HNRNPR: variants seen among roughly 807,000 people sequenced by gnomAD.
HNRNPR encodes the protein heterogeneous nuclear ribonucleoprotein R.
Under a neutral mutation model 70.3 loss-of-function variants are expected in HNRNPR, and 4 were observed. That is an observed-to-expected ratio of 0.06 (90% CI 0.03 to 0.13). HNRNPR has a LOEUF of 0.13. HNRNPR is among the 10% of genes least tolerant of loss of function. The pLI is 1.00. For missense variants in HNRNPR, 423 were observed against 788.5 expected, an observed-to-expected ratio of 0.54 and a Z score of 5.55; for synonymous variants, 241 against 267.6, an observed-to-expected ratio of 0.90 and a Z score of 0.97.
At chr1:23,327,912 T>A (rs1646054752) in intron 5 of HNRNPR, among the ~76,000 whole-genome samples, 4 of 149,230 alleles carry the variant, frequency 2.7e-5, no homozygotes, top group Non-Finnish European at 5.9e-5. Context: ...AATCCCAGCA[T>A]TTTGGGAGGC....
At chr1:23,323,793 C>T (rs1327859721) in intron 5 of HNRNPR, 61 bp from the exon 6 acceptor site, 2 of 1,399,728 alleles carry the variant, frequency 1.4e-6, no homozygotes, top group Non-Finnish European at 2.0e-6. Flanking sequence ...GCCATAAAGC[C>T]TACTGCCTTT....
intron 4 of HNRNPR, among the ~76,000 whole-genome samples, chr1:23,335,433 T>C (rs760095539): frequency 4.6e-4 from 70 of 152,226 alleles, no homozygotes; most frequent in Admixed American, 5.9e-4. Context: ...CCGGGCTGCA[T>C]AGCAGGAGGT....
chr1:23,322,534 C>T (rs1245239455), intron 6 of HNRNPR, among the ~76,000 whole-genome samples: 1 of 152,322 alleles, frequency 6.6e-6, no homozygotes, highest in East Asian at 1.9e-4. Context: ...CCACACCTGG[C>T]CAATTTTAGC....
Position 23,341,749 on chromosome 1 carries a change from A to G in HNRNPR, c.-9-732T>C, listed in dbSNP as rs764909653. On this transcript the variant is annotated intron_variant, in intron 1 of 10. Coordinates refer to ENST00000302271, the MANE Select transcript of HNRNPR (RefSeq NM_005826.5). ...AAAAAGAGTACATGTTGAAATTTTCATATCAGTAAAATAAAGATGTAAAAA... is the reference window on the plus strand; with the variant it reads ...AAAAAGAGTACATGTTGAAATTTTCGTATCAGTAAAATAAAGATGTAAAAA... Among the ~76,000 whole-genome samples the G allele has an allele frequency of 1.5e-4, 23 of 152,236 alleles. 1 individual carries two copies. The highest frequency in any genetic ancestry group is 3.3e-4 in the Admixed American group (5 of 15,280).
rs994806542 is a variant in HNRNPR at position 23,305,139 on chromosome 1, ATTTTG to A, written c.*5310_*5314del. On this transcript the variant is annotated 3_prime_UTR_variant, in exon 11 of 11. Transcript: ENST00000302271. ...CTCCTTTGTTGGTTCCACAAAATGT[ATTTTG>A]TTTTTAGTGTTTAAAGTCAACAAAC... 2 of 152,164 alleles carry A rather than the reference ATTTTG, an allele frequency of 1.3e-5. No homozygotes were observed. Among genetic ancestry groups the A allele is most frequent in the East Asian group, 1.9e-4 (1 of 5,202 alleles). The allele number at this position is 152,164 out of a possible 1,614,324, so 9.4% of individuals were successfully genotyped here. A position where few individuals can be genotyped will look rare whatever the true frequency, so the allele number is the denominator to read the frequency against.
chr1:23,311,744 C>A (rs1456084633), intron 9 of HNRNPR: 1 of 163,066 alleles, frequency 6.1e-6, no homozygotes. Context: ...ATGTAGCATA[C>A]AACATACAGG....
chr1:23,338,458 T>A (rs1046390091), intron 3 of HNRNPR, 32 bp downstream of exon 3: 2 of 830,160 alleles, frequency 2.4e-6, no homozygotes, highest in Non-Finnish European at 3.7e-6. Context: ...GATTACTAAT[T>A]GTTCAAAGAC....
At chr1:23,320,545 A>G (rs558335759) in intron 7 of HNRNPR, among the ~76,000 whole-genome samples, 1 of 152,364 alleles carries the variant, frequency 6.6e-6, no homozygotes, top group East Asian at 1.9e-4. Context: ...CAATCTTTAG[A>G]TTAATGAAAG....
At chr1:23,333,475 T>C (rs760361206) in intron 5 of HNRNPR, 43 bp downstream of exon 5, 2 of 1,277,056 alleles carry the variant, frequency 1.6e-6, no homozygotes, top group Non-Finnish European at 2.3e-6. Context: ...TAAAACACTT[T>C]CCAAACTGGA....
chr1:23,310,503 T>C lies in HNRNPR; in HGVS notation c.1853A>G (p.Asn618Ser), dbSNP rs768259018. Residue 618 changes from asparagine (N) to serine (S), a missense_variant, in exon 11 of 11, where the codon AAT becomes AGT. By Grantham distance (46) the Asn-to-Ser change is conservative (BLOSUM62 1). Around this residue, in one of 7 missense-constraint regions of HNRNPR, gnomAD observed 39 missense variants for 53.2 expected, o/e 0.73. Coordinates refer to ENST00000302271, the MANE Select transcript of HNRNPR (RefSeq NM_005826.5). The surrounding 1 kb of genome is among the most constrained non-coding windows in gnomAD (Gnocchi z 6.0). The part of the protein sequence containing the change: ...GDYSGNYGYN[N>S]DNQEFYQDTY... The stretch of plus-strand genomic sequence containing the variant: ...ATCCTGATAAAATTCCTGGTTGTCA[T>C]TATTGTAACCATAGTTACCAGAATA... 1 of 1,613,088 alleles carries C rather than the reference T, an allele frequency of 6.2e-7. No homozygotes were observed. Among genetic ancestry groups the C allele is most frequent in the Non-Finnish European group, 8.5e-7 (1 of 1,179,638 alleles).
intron 2 of HNRNPR, among the ~76,000 whole-genome samples, chr1:23,340,236 C>T (rs1437860844): frequency 6.6e-6 from 1 of 151,812 alleles, no homozygotes; most frequent in Non-Finnish European, 1.5e-5. Context: ...CTCTTTAAAA[C>T]TTCAAACCAC....
chr1:23,313,431 A>C lies in HNRNPR; in HGVS notation c.1167+122T>G, dbSNP rs1264203192. ...TACTATTACCACTTTACAGAGATTA[A>C]ATAGAAAGAGTTCAGCAAAAGCTGA... On this transcript the variant is annotated intron_variant, in intron 9 of 10. Transcript: ENST00000302271. 4 of 681,704 alleles carry C rather than the reference A, an allele frequency of 5.9e-6. No homozygotes were observed. In the South Asian group the frequency reaches 8.0e-5, roughly 14 times the overall value. The allele number at this position is 681,704 out of a possible 1,614,324, so 42.2% of individuals were successfully genotyped here. A position where few individuals can be genotyped will look rare whatever the true frequency, so the allele number is the denominator to read the frequency against.
chr1:23,343,069 CAT>C (rs979873340), intron 1 of HNRNPR, among the ~76,000 whole-genome samples: 17 of 152,140 alleles, frequency 1.1e-4, no homozygotes, highest in Admixed American at 2.0e-4. Flanking sequence ...CTTTTTATGT[CAT>C]ATGAGACCAT....
chr1:23,323,134 T>C (rs1249157077), intron 6 of HNRNPR, among the ~76,000 whole-genome samples: 2 of 152,342 alleles, frequency 1.3e-5, no homozygotes, highest in Non-Finnish European at 2.9e-5. Context: ...TTCACAACTA[T>C]TTTCTGAATT....
chr1:23,337,697 G>A, intron 4 of HNRNPR, 57 bp downstream of exon 4: 1 of 976,022 alleles, frequency 1.0e-6, no homozygotes, highest in Non-Finnish European at 1.6e-6. Context: ...ATGGAAAGAG[G>A]CATTTGACCT....
chr1:23,325,016 T>C (rs1431302721), intron 5 of HNRNPR, among the ~76,000 whole-genome samples: 1 of 150,468 alleles, frequency 6.6e-6, no homozygotes, highest in Non-Finnish European at 1.5e-5. Context: ...GGCCGGCGCC[T>C]GTAGCCCCAG....
In HNRNPR at chr1:23,307,109, T is replaced by C. The variant is rs528549933; in HGVS notation, c.*3345A>G. 1.3e-5 allele frequency: 2 copies of C among 152,290 alleles called. No homozygotes were observed. Among genetic ancestry groups the C allele is most frequent in the South Asian group, 4.1e-4 (2 of 4,826 alleles). 9.4% of individuals were successfully genotyped at this position (152,290 alleles called of 1,614,324 possible). A position where few individuals can be genotyped will look rare whatever the true frequency, so the allele number is the denominator to read the frequency against. On this transcript the variant is annotated 3_prime_UTR_variant, in exon 11 of 11. Transcript: ENST00000302271. ...TATTGGTAGCTCAGTATAATAAAAT[T>C]ATCTTTGAAAAATCAAAATGACAAG...
chr1:23,339,695 C>T lies in HNRNPR; in HGVS notation c.158-1087G>A, dbSNP rs969536014. ...CCAAAGTTACTTTTTAAAAAAGTTGCCATGATTTGTTTCAAAAGCTCGAAA... is the reference window on the plus strand; with the variant it reads ...CCAAAGTTACTTTTTAAAAAAGTTGTCATGATTTGTTTCAAAAGCTCGAAA... On this transcript the variant is annotated intron_variant, in intron 2 of 10. Coordinates refer to ENST00000302271, the MANE Select transcript of HNRNPR (RefSeq NM_005826.5). Among the ~76,000 whole-genome samples the T allele has an allele frequency of 1.4e-4, 21 of 152,170 alleles. No individual in the cohort carries two copies. In the East Asian group the frequency reaches 3.9e-3, roughly 28 times the overall value.
chr1:23,339,233 G>A (rs1226175687), intron 2 of HNRNPR, among the ~76,000 whole-genome samples: 3 of 152,220 alleles, frequency 2.0e-5, no homozygotes, highest in Non-Finnish European at 4.4e-5. Context: ...AAATGCAAGT[G>A]CAGCTTGATT....
Sources: gnomAD v4.1 joint callset for allele counts (sites outside exome capture counted in the v4.1 genomes callset) on GRCh38, gnomAD v4.1.1 for gene constraint, gnomAD v4.1.1 regional missense constraint, Gnocchi (gnomAD v3.1) non-coding constraint, MANE v1.5 for transcripts, NCBI Gene and HGNC (gene_info 2026-07-23, HGNC 2026-07-21) for gene names.